The following CTNNA2 variants were observed in gnomAD, a reference collection of about 807,000 sequenced individuals.
CTNNA2 encodes catenin alpha 2.
Under a neutral mutation model 101.0 loss-of-function variants are expected in CTNNA2, and 42 were observed. That is an observed-to-expected ratio of 0.42 (90% CI 0.32 to 0.54). The LOEUF (loss-of-function observed/expected upper bound fraction) is 0.54, where lower values mean the gene tolerates loss of function less well. Ranked by LOEUF, CTNNA2 falls within the 20% of genes least tolerant of loss-of-function variation. CTNNA2 has a pLI of 0.14. For missense variants in CTNNA2, 871 were observed against 1,223.1 expected, an observed-to-expected ratio of 0.71 and a Z score of 4.29; for synonymous variants, 450 against 456.4, an observed-to-expected ratio of 0.99 and a Z score of 0.18.
intron 4 of CTNNA2, among the ~76,000 whole-genome samples, chr2:79,424,440 G>C (rs955398378): frequency 6.6e-6 from 1 of 152,102 alleles, no homozygotes; most frequent in Non-Finnish European, 1.5e-5. Flanking sequence ...TCACATTCTT[G>C]ATCATGATGC....
At chr2:79,967,407 C>A (rs1227351591) in intron 7 of CTNNA2, among the ~76,000 whole-genome samples, 1 of 152,136 alleles carries the variant, frequency 6.6e-6, no homozygotes, top group Non-Finnish European at 1.5e-5. Flanking sequence ...TCTCTACAGG[C>A]TCACTAGCCC....
chr2:79,466,273 G>A (rs549478826), intron 4 of CTNNA2, among the ~76,000 whole-genome samples: 19 of 152,280 alleles, frequency 1.2e-4, no homozygotes, highest in South Asian at 2.1e-4. Context: ...ATGGAGACTC[G>A]CTCATTGCTA....
intron 2 of CTNNA2, among the ~76,000 whole-genome samples, chr2:79,242,052 C>T (rs1674633817): frequency 1.3e-5 from 2 of 152,032 alleles, no homozygotes; most frequent in African/African-American, 4.8e-5. Context: ...ATTACAGGCC[C>T]CCGCCACCAC....
chr2:80,245,478 T>C (rs968919835), intron 7 of CTNNA2, among the ~76,000 whole-genome samples: 7 of 152,216 alleles, frequency 4.6e-5, no homozygotes, highest in Non-Finnish European at 5.9e-5. Context: ...AGTCTTTATA[T>C]AACCAGTCTT....
At chr2:79,915,943 G>A (rs1162153611) in intron 7 of CTNNA2, among the ~76,000 whole-genome samples, 1 of 152,162 alleles carries the variant, frequency 6.6e-6, no homozygotes, top group East Asian at 1.9e-4. Flanking sequence ...AGATAACTTT[G>A]CCATAGGAAT....
At chr2:80,148,577 A>G (rs2148923383) in intron 7 of CTNNA2, among the ~76,000 whole-genome samples, 1 of 152,350 alleles carries the variant, frequency 6.6e-6, no homozygotes, top group Non-Finnish European at 1.5e-5. Context: ...CACCAAGGCC[A>G]CCTGTCCCAG....
At chr2:79,289,759 A>T (rs1269023131) in intron 2 of CTNNA2, among the ~76,000 whole-genome samples, 1 of 152,162 alleles carries the variant, frequency 6.6e-6, no homozygotes, top group Non-Finnish European at 1.5e-5. Flanking sequence ...AAAGAAATAG[A>T]AAAGAAAAGA....
rs573336032 is a variant in CTNNA2 at position 80,078,963 on chromosome 2, G to A, written c.1056+169166G>A. Among the ~76,000 whole-genome samples the A allele has an allele frequency of 6.6e-5, 10 of 152,288 alleles. 1 individual carries two copies. Among genetic ancestry groups the A allele is most frequent in the African/African-American group, 2.4e-4 (10 of 41,566 alleles). Reference sequence around the variant, plus strand: ...CCTCCTTTGAAAGAACTGCTGCCATGGGTGATTTCCTCATTGATGCAAAGA... The same window carrying A: ...CCTCCTTTGAAAGAACTGCTGCCATAGGTGATTTCCTCATTGATGCAAAGA... On this transcript the variant is annotated intron_variant, in intron 7 of 18. Coordinates refer to ENST00000402739, the MANE Select transcript of CTNNA2 (RefSeq NM_001282597.3).
chr2:80,544,986 C>T lies in CTNNA2; in HGVS notation c.1295C>T (p.Ala432Val). ...CTAAAATCCTCTTCAATACAGGTTG[C>T]CAATTTGGCCTGTTCCATCTCCAAC... ...REHANKLVEVANLACSISNNE... is the reference protein window; with the variant it reads ...REHANKLVEVVNLACSISNNE... Residue 432 changes from alanine (A) to valine (V), a missense_variant, in exon 10 of 19, where the codon GCC becomes GTC. This residue lies in a region of CTNNA2 where 647 missense variants were observed against 831.5 expected (regional missense o/e 0.78). Coordinates refer to ENST00000402739, the MANE Select transcript of CTNNA2 (RefSeq NM_001282597.3). 6.2e-7 allele frequency: 1 copy of T among 1,613,762 alleles called. No individual in the cohort carries two copies. The highest frequency in any genetic ancestry group is 8.5e-7 in the Non-Finnish European group (1 of 1,179,796).
chr2:79,220,897 A>G (rs1674333934), intron 2 of CTNNA2, among the ~76,000 whole-genome samples: 1 of 152,218 alleles, frequency 6.6e-6, no homozygotes, highest in South Asian at 2.1e-4. Context: ...CTCAATCGGA[A>G]GGGATCATAG....
intron 2 of CTNNA2, among the ~76,000 whole-genome samples, chr2:79,280,892 C>T (rs1429742569): frequency 6.6e-6 from 1 of 152,024 alleles, no homozygotes; most frequent in Non-Finnish European, 1.5e-5. Context: ...GAACCAATGA[C>T]ACACCCGTAT....
chr2:79,672,764 A>G (rs1038527160), intron 2 of CTNNA2, among the ~76,000 whole-genome samples: 2 of 143,488 alleles, frequency 1.4e-5, no homozygotes, highest in Admixed American at 1.5e-4. Flanking sequence ...GCTGGAATGC[A>G]GTGGCACAAT....
chr2:79,884,869 G>C (rs1472365399), intron 6 of CTNNA2, among the ~76,000 whole-genome samples: 1 of 151,598 alleles, frequency 6.6e-6, no homozygotes, highest in Non-Finnish European at 1.5e-5. Context: ...ATCTCAGACT[G>C]GTGCACGGAA....
In CTNNA2 at chr2:80,302,730, C is replaced by T. The variant is rs570950310; in HGVS notation, c.1057-90481C>T. ...CCGCTGGTGGGCTCGGCCCCATCCT[C>T]GCACAGGTGGAAGGCGTACACGGCG... is the stretch of plus-strand genomic sequence containing the variant. On this transcript the variant is annotated intron_variant, in intron 7 of 18. Coordinates refer to ENST00000402739, the MANE Select transcript of CTNNA2 (RefSeq NM_001282597.3). The surrounding 1 kb of genome is among the most constrained non-coding windows in gnomAD (Gnocchi z 6.4). 1.9e-6 allele frequency: 3 copies of T among 1,613,028 alleles called. No homozygotes were observed. Among genetic ancestry groups the T allele is most frequent in the African/African-American group, 1.3e-5 (1 of 75,050 alleles).
At chr2:79,339,406 A>G (rs1677079608) in intron 3 of CTNNA2, among the ~76,000 whole-genome samples, 1 of 152,232 alleles carries the variant, frequency 6.6e-6, no homozygotes, top group Non-Finnish European at 1.5e-5. Context: ...TATTGTCACC[A>G]TAAGTGCCTG....
chr2:79,612,686 A>G (rs2104212223), intron 1 of CTNNA2, among the ~76,000 whole-genome samples: 1 of 152,292 alleles, frequency 6.6e-6, no homozygotes, highest in Middle Eastern at 3.4e-3. Flanking sequence ...AAGCATAGAA[A>G]GAAAGCATTT....
intron 7 of CTNNA2, among the ~76,000 whole-genome samples, chr2:80,083,914 C>G (rs912280088): frequency 6.6e-6 from 1 of 152,082 alleles, no homozygotes; most frequent in Non-Finnish European, 1.5e-5. Context: ...GGATCATAAT[C>G]TCAAAATAGT....
chr2:79,187,265 C>CTTTTTTTTT (rs1156460356), intron 1 of CTNNA2, among the ~76,000 whole-genome samples: 10 of 83,404 alleles, frequency 1.2e-4, no homozygotes, highest in African/African-American at 5.2e-4. Context: ...CTTTTCTTTT[C>CTTTTTTTTT]TTTTCTTTTT....
At chr2:80,387,618 T>C (rs1250101964) in intron 7 of CTNNA2, among the ~76,000 whole-genome samples, 1 of 152,208 alleles carries the variant, frequency 6.6e-6, no homozygotes, top group Non-Finnish European at 1.5e-5. Flanking sequence ...TGTTAATGGC[T>C]TAATCCTTCT....
Sources: allele counts gnomAD v4.1 joint callset (sites outside exome capture counted in the v4.1 genomes callset), GRCh38; gene constraint gnomAD v4.1.1; regional missense constraint gnomAD v4.1.1; non-coding constraint Gnocchi (gnomAD v3.1); transcripts MANE v1.5; gene names NCBI Gene and HGNC (gene_info 2026-07-23, HGNC 2026-07-21).